Variants in PRKCE observed in about 807,000 individuals in gnomAD.
The protein encoded by PRKCE is protein kinase C epsilon type.
In PRKCE, 16 loss-of-function variants were observed where a neutral mutation model predicts 85.4. The ratio of observed to expected loss-of-function variants is 0.19; its 90% CI spans 0.13 to 0.28. The LOEUF (loss-of-function observed/expected upper bound fraction) is 0.28. PRKCE is among the 10% of genes least tolerant of loss of function. PRKCE has a pLI of 1.00. For synonymous variants in PRKCE, 388 were observed against 371.5 expected (o/e 1.04, Z -0.51); for missense variants, 573 against 975.2 (o/e 0.59, Z 5.49).
chr2:46,147,963 G>A (rs1676248948), intron 12 of PRKCE, among the ~76,000 whole-genome samples: 1 of 152,224 alleles, frequency 6.6e-6, no homozygotes. Flanking sequence ...AAGCTGCTTT[G>A]AGAATCTAAT....
At chr2:46,007,745 G>A in intron 9 of PRKCE, 84 bp downstream of exon 9, 1 of 1,405,248 alleles carries the variant, frequency 7.1e-7, no homozygotes, top group Non-Finnish European at 9.6e-7. Context: ...ATTGAGAGAG[G>A]AACCTTTCAG....
intron 11 of PRKCE, among the ~76,000 whole-genome samples, chr2:46,089,247 C>T (rs1669934245): frequency 6.6e-6 from 1 of 152,208 alleles, no homozygotes; most frequent in African/African-American, 2.4e-5. Context: ...CAGACAACTT[C>T]TACATGCCAA....
chr2:45,928,967 A>T (rs941754859), intron 2 of PRKCE, among the ~76,000 whole-genome samples: 1 of 152,112 alleles, frequency 6.6e-6, no homozygotes, highest in African/African-American at 2.4e-5. Flanking sequence ...TGTAGGCGGG[A>T]GCAGCCTTTT....
intron 2 of PRKCE, among the ~76,000 whole-genome samples, chr2:45,865,556 C>T (rs754089298): frequency 2.0e-5 from 3 of 152,108 alleles, no homozygotes; most frequent in Non-Finnish European, 2.9e-5. Context: ...TAGTATTAAG[C>T]GCTGGGGTTT....
intron 2 of PRKCE, among the ~76,000 whole-genome samples, chr2:45,873,417 C>T (rs1173593849): frequency 6.7e-6 from 1 of 149,374 alleles, no homozygotes; most frequent in Non-Finnish European, 1.5e-5. Flanking sequence ...AAGCTGCATA[C>T]GAGTCAGGCG....
At chr2:46,156,176 A>G (rs374654835) in intron 13 of PRKCE, among the ~76,000 whole-genome samples, 2 of 151,806 alleles carry the variant, frequency 1.3e-5, no homozygotes, top group Admixed American at 1.3e-4. Flanking sequence ...AGGGTTCTGC[A>G]TCAGGCCCCG....
At chr2:45,711,965 G>A (rs146862321) in intron 1 of PRKCE, among the ~76,000 whole-genome samples, 2 of 151,788 alleles carry the variant, frequency 1.3e-5, no homozygotes, top group African/African-American at 2.4e-5. Flanking sequence ...TATAAAGGAG[G>A]CAGGACAAAT....
At chr2:45,989,874 A>G (rs921860603) in intron 6 of PRKCE, among the ~76,000 whole-genome samples, 7 of 152,172 alleles carry the variant, frequency 4.6e-5, no homozygotes, top group East Asian at 1.9e-4. Flanking sequence ...TTAGATATAT[A>G]TTAAAAATAT....
intron 5 of PRKCE, among the ~76,000 whole-genome samples, chr2:45,981,088 T>C (rs1702855595): frequency 6.6e-6 from 1 of 152,166 alleles, no homozygotes; most frequent in African/African-American, 2.4e-5. Flanking sequence ...GAAACTAGCA[T>C]CAGATTGCCT....
Position 45,698,567 on chromosome 2 carries a change from C to T in PRKCE, c.348+46119C>T, listed in dbSNP as rs74262725. Among the ~76,000 whole-genome samples the T allele has an allele frequency of 2.2e-4, 31 of 137,876 alleles. No individual in the cohort carries two copies. In the East Asian group the frequency reaches 5.8e-3, roughly 26 times the overall value. The allele number at this position is 137,876 out of a possible 152,430, so 90.5% of individuals were successfully genotyped here. A position where few individuals can be genotyped will look rare whatever the true frequency, so the allele number is the denominator to read the frequency against. On this transcript the variant is annotated intron_variant, in intron 1 of 14. Coordinates refer to ENST00000306156, the MANE Select transcript of PRKCE (RefSeq NM_005400.3). ...CAGCTGTTGCAAACAACAGTGAGCACAGAAAAAAAAATATATGAAGGAAGA... is the reference window on the plus strand; with the variant it reads ...CAGCTGTTGCAAACAACAGTGAGCATAGAAAAAAAAATATATGAAGGAAGA...
intron 1 of PRKCE, among the ~76,000 whole-genome samples, chr2:45,741,673 A>C (rs73926048): frequency 0.057 from 8,720 of 152,228 alleles, 826 homozygotes; most frequent in African/African-American, 0.2. Flanking sequence ...CCAGGCTGTA[A>C]GGTACTGCTG....
At chr2:45,935,067 T>TCTCACACACACACACACA (rs34264556) in intron 2 of PRKCE, among the ~76,000 whole-genome samples, 1 of 146,248 alleles carries the variant, frequency 6.8e-6, no homozygotes, top group African/African-American at 2.6e-5. Flanking sequence ...ACTCTCTCTC[T>TCTCACACACACACACACA]CACACACACA....
intron 10 of PRKCE, among the ~76,000 whole-genome samples, chr2:46,035,604 G>A (rs904593531): frequency 2.0e-5 from 3 of 152,198 alleles, no homozygotes; most frequent in East Asian, 3.8e-4. Flanking sequence ...ATTGTTGTTC[G>A]TAAATGTCTG....
At chr2:46,104,438 A>G (rs532855572) in intron 11 of PRKCE, among the ~76,000 whole-genome samples, 1 of 151,802 alleles carries the variant, frequency 6.6e-6, no homozygotes, top group African/African-American at 2.4e-5. Flanking sequence ...AATGGCTTTC[A>G]TGGCTTTTTC....
chr2:45,683,385 A>G (rs1029678796), intron 1 of PRKCE, among the ~76,000 whole-genome samples: 4 of 152,222 alleles, frequency 2.6e-5, no homozygotes, highest in African/African-American at 9.6e-5. Flanking sequence ...TGGAATCGTC[A>G]TAGGAGCAGA....
At chr2:45,904,017 C>T (rs1279938547) in intron 2 of PRKCE, among the ~76,000 whole-genome samples, 2 of 151,826 alleles carry the variant, frequency 1.3e-5, no homozygotes, top group Non-Finnish European at 2.9e-5. Context: ...GATTCTCGTG[C>T]CTCACCCTTT....
Position 45,664,123 on chromosome 2 carries a change from T to C in PRKCE, c.348+11675T>C, listed in dbSNP as rs572912375. Among the ~76,000 whole-genome samples, 6 of 152,330 alleles carry C rather than the reference T, an allele frequency of 3.9e-5. No individual in the cohort carries two copies. The East Asian group carries it at 9.7e-4, about 25-fold the overall frequency. ...GGAAATCTATGCTGACAATCTCACA[T>C]GCTGCATTTCCAATTAATTTTCTTT... On this transcript the variant is annotated intron_variant, in intron 1 of 14. Transcript: ENST00000306156.
intron 5 of PRKCE, 68 bp downstream of exon 5, chr2:45,980,449 G>C (rs1037739475): frequency 6.9e-7 from 1 of 1,446,966 alleles, no homozygotes; most frequent in Admixed American, 1.7e-5. Flanking sequence ...TGCCTCTTCT[G>C]TGGTTCCCAA....
chr2:45,674,745 T>G (rs1356409177), intron 1 of PRKCE: 2 of 152,238 alleles, frequency 1.3e-5, no homozygotes, highest in African/African-American at 2.4e-5. Flanking sequence ...AAAGAGAAGA[T>G]GCTTCCTGAA....
Sources: allele counts gnomAD v4.1 joint callset (sites outside exome capture counted in the v4.1 genomes callset), GRCh38; gene constraint gnomAD v4.1.1; transcripts MANE v1.5; gene names NCBI Gene and HGNC (gene_info 2026-07-23, HGNC 2026-07-21).